SORCS1: variants seen among roughly 807,000 people sequenced by gnomAD.
SORCS1 encodes VPS10 domain-containing receptor SorCS1.
SORCS1 carries 60 observed loss-of-function variants against 146.1 expected under a neutral mutation model. That is an observed-to-expected ratio of 0.41 (90% CI 0.33 to 0.51). SORCS1 has a LOEUF of 0.51. SORCS1 is among the 20% of genes least tolerant of loss of function. The pLI, the probability that SORCS1 is intolerant of heterozygous loss-of-function variation, is 0.21. For missense variants in SORCS1, 1,352 were observed against 1,487.6 expected, an observed-to-expected ratio of 0.91 and a Z score of 1.50; for synonymous variants, 637 against 584.0, an observed-to-expected ratio of 1.09 and a Z score of -1.31.
At chr10:106,916,177 T>G (rs1264671256) in intron 2 of SORCS1, among the ~76,000 whole-genome samples, 9 of 152,168 alleles carry the variant, frequency 5.9e-5, no homozygotes, top group African/African-American at 2.2e-4. Flanking sequence ...ATTATTCAAT[T>G]AATTATTTTT....
chr10:107,140,853 TTATG>T (rs1967766207), intron 1 of SORCS1, among the ~76,000 whole-genome samples: 1 of 152,216 alleles, frequency 6.6e-6, no homozygotes, highest in Non-Finnish European at 1.5e-5. Context: ...TAGTTTCATT[TTATG>T]AATGATGAAA....
Position 106,776,677 on chromosome 10 carries a change from C to A in SORCS1, c.742G>T (p.Asp248Tyr). 1 of 1,612,998 alleles carries A rather than the reference C, an allele frequency of 6.2e-7. No homozygotes were observed. Among genetic ancestry groups the A allele is most frequent in the Non-Finnish European group, 8.5e-7 (1 of 1,179,250 alleles). ...TNKRKIMLLT[D>Y]PEIESSLLIS... The stretch of plus-strand genomic sequence containing the variant: ...AATAAACTGCTCTCAATCTCCGGGT[C>A]TGTGAGTAACATTATCTGCAGCAAA... The change falls in exon 4 of 26, where the codon GAC becomes TAC. Residue 248 changes from aspartate (D) to tyrosine (Y), a missense_variant. Physicochemically the swap from Asp to Tyr is radical, Grantham distance 160 (BLOSUM62 -3). Around this residue, in one of 3 missense-constraint regions of SORCS1, gnomAD observed 490 missense variants for 489.1 expected, o/e 1.00. Transcript: ENST00000263054.
chr10:106,828,730 G>T (rs910326266), intron 3 of SORCS1, among the ~76,000 whole-genome samples: 2 of 152,116 alleles, frequency 1.3e-5, no homozygotes, highest in African/African-American at 4.8e-5. Context: ...GAAAATAAAG[G>T]TATAGATGTA....
At chr10:106,948,972 A>T (rs1037432648) in intron 2 of SORCS1, among the ~76,000 whole-genome samples, 2 of 152,180 alleles carry the variant, frequency 1.3e-5, no homozygotes, top group Admixed American at 1.3e-4. Context: ...AAAAAAAAAA[A>T]GAATTTTAAT....
chr10:106,643,454 T>A (rs1849203286), intron 18 of SORCS1, among the ~76,000 whole-genome samples: 2 of 152,258 alleles, frequency 1.3e-5, no homozygotes, highest in South Asian at 4.1e-4. Context: ...GGTCTTTTTC[T>A]GCAAGGAGGA....
intron 2 of SORCS1, among the ~76,000 whole-genome samples, chr10:106,940,436 C>T (rs756279178): frequency 6.6e-6 from 1 of 152,106 alleles, no homozygotes; most frequent in South Asian, 2.1e-4. Flanking sequence ...ATGTGTCCTT[C>T]GAAATGTTCC....
rs1564720912 is a variant in SORCS1 at position 106,840,844 on chromosome 10, TATA to T, written c.627-11174_627-11172del. 5.2e-5 allele frequency among the ~76,000 whole-genome samples: 7 copies of T among 135,670 alleles called. No homozygotes were observed. In the East Asian group the frequency reaches 6.9e-4, roughly 13 times the overall value. The allele number at this position is 135,670 out of a possible 152,430, so 89.0% of individuals were successfully genotyped here. On this transcript the variant is annotated intron_variant, in intron 2 of 25. Coordinates refer to ENST00000263054, the MANE Select transcript of SORCS1 (RefSeq NM_052918.5). ...TAATTCACATTTTTTAGTTATATTA[TATA>T]TATATATATATATATATTTTTTTTT...
intron 6 of SORCS1, among the ~76,000 whole-genome samples, chr10:106,726,833 T>C (rs1423253920): frequency 6.6e-6 from 1 of 152,076 alleles, no homozygotes; most frequent in Admixed American, 6.6e-5. Context: ...ACGCCTATAA[T>C]CCCAGCACTT....
At chr10:106,769,948 A>T in intron 4 of SORCS1, among the ~76,000 whole-genome samples, 1 of 151,864 alleles carries the variant, frequency 6.6e-6, no homozygotes, top group East Asian at 1.9e-4. Context: ...CAAAAATTAG[A>T]CAGGCATGGT....
intron 18 of SORCS1, among the ~76,000 whole-genome samples, chr10:106,644,770 A>T (rs1411780632): frequency 6.6e-6 from 1 of 152,224 alleles, no homozygotes; most frequent in Non-Finnish European, 1.5e-5. Context: ...AATGGATATG[A>T]CATTTATCCA....
chr10:106,832,765 G>A (rs1021890229), intron 2 of SORCS1, among the ~76,000 whole-genome samples: 3 of 151,966 alleles, frequency 2.0e-5, no homozygotes, highest in African/African-American at 4.8e-5. Flanking sequence ...GGTGGAAATC[G>A]GTAAGACTAC....
chr10:106,608,450 AT>A (rs569623657), intron 22 of SORCS1, among the ~76,000 whole-genome samples: 16 of 150,386 alleles, frequency 1.1e-4, no homozygotes, highest in South Asian at 2.1e-4. Context: ...ACTGTGCTGC[AT>A]TTTTTTTTGA....
chr10:106,680,368 G>T (rs1056744223), intron 10 of SORCS1, among the ~76,000 whole-genome samples: 7 of 152,188 alleles, frequency 4.6e-5, no homozygotes, highest in Non-Finnish European at 8.8e-5. Flanking sequence ...TTTTGAAAAA[G>T]TAGGTTGGCA....
intron 1 of SORCS1, among the ~76,000 whole-genome samples, chr10:107,160,434 A>G (rs1436283845): frequency 2.6e-5 from 4 of 152,186 alleles, no homozygotes; most frequent in African/African-American, 9.7e-5. Context: ...AAATTAAGTG[A>G]GATGATGAAT....
At chr10:106,901,584 C>T (rs909745587) in intron 2 of SORCS1, among the ~76,000 whole-genome samples, 1 of 152,256 alleles carries the variant, frequency 6.6e-6, no homozygotes, top group South Asian at 2.1e-4. Flanking sequence ...AAGGCATGTG[C>T]CACTATGCCT....
rs901576514 is a variant in SORCS1, at chr10:106,685,638, G to C, written c.1560+2554C>G. Among the ~76,000 whole-genome samples the C allele has an allele frequency of 5.3e-5, 8 of 152,248 alleles. No homozygotes were observed. The East Asian group carries it at 1.5e-3, about 29-fold the overall frequency. On this transcript the variant is annotated intron_variant, in intron 10 of 25. Transcript: ENST00000263054. ...GATACATGAACATGGTGAGTTCACA[G>C]TATGCAAAGAAACACCCCCTCCTCC...
At chr10:106,872,799 C>T (rs553854337) in intron 2 of SORCS1, among the ~76,000 whole-genome samples, 40 of 152,218 alleles carry the variant, frequency 2.6e-4, no homozygotes, top group Admixed American at 4.6e-4. Flanking sequence ...ATCTATTTAT[C>T]TTAAATCTCA....
intron 4 of SORCS1, among the ~76,000 whole-genome samples, chr10:106,766,218 G>T (rs1859561513): frequency 6.6e-6 from 1 of 152,074 alleles, no homozygotes; most frequent in South Asian, 2.1e-4. Flanking sequence ...GAAGCAGGGG[G>T]CCTGCAAATT....
chr10:106,709,877 G>C (rs563237336), intron 6 of SORCS1, among the ~76,000 whole-genome samples: 1 of 152,024 alleles, frequency 6.6e-6, no homozygotes, highest in Admixed American at 6.5e-5. Context: ...ATCATCTCCT[G>C]GTGCTTCCAC....
Sources: allele counts gnomAD v4.1 joint callset (sites outside exome capture counted in the v4.1 genomes callset), GRCh38; gene constraint gnomAD v4.1.1; regional missense constraint gnomAD v4.1.1; transcripts MANE v1.5; gene names NCBI Gene and HGNC (gene_info 2026-07-23, HGNC 2026-07-21).